TNNT1: variants seen among roughly 807,000 people sequenced by gnomAD.
TNNT1 encodes troponin T1, slow skeletal type.
A neutral mutation model predicts 50.6 loss-of-function variants in TNNT1; 53 were observed. The observed-to-expected ratio is 1.05, with a 90% CI of 0.84 to 1.32. The LOEUF is 1.32. Ranked by LOEUF, TNNT1 falls within the 40% of genes most tolerant of loss-of-function variation. TNNT1 has a pLI of 0.00. For missense variants in TNNT1, 348 were observed against 381.7 expected, an observed-to-expected ratio of 0.91 and a Z score of 0.74; for synonymous variants, 142 against 138.0, an observed-to-expected ratio of 1.03 and a Z score of -0.20.
At position 55,132,754 on chromosome 19, in the gene TNNT1, T is replaced by C; in HGVS notation, c.*161A>G. On this transcript the variant is annotated 3_prime_UTR_variant, in exon 14 of 14. Coordinates refer to ENST00000588981, the MANE Select transcript of TNNT1 (RefSeq NM_003283.6). ...ATTGGTGACACTCTTTCAAGTAACT[T>C]GTTGGTAATAAGAAGTCAATTAACC... 6 of 696,908 alleles carry C rather than the reference T, an allele frequency of 8.6e-6. No homozygotes were observed. The highest frequency in any genetic ancestry group is 1.7e-5 in the South Asian group (1 of 59,828). The allele number at this position is 696,908 out of a possible 1,614,324, so 43.2% of individuals were successfully genotyped here. A position where few individuals can be genotyped will look rare whatever the true frequency, so the allele number is the denominator to read the frequency against.
rs1165238003 is a variant in TNNT1 at position 55,149,200 on chromosome 19, C to T, written c.-51G>A. The stretch of plus-strand genomic sequence containing the variant: ...AGATGCTGTGAATCTTGAGGCTGAG[C>T]CTTGCTGAGGGCACTGAAGCTCCGG... On this transcript the variant is annotated 5_prime_UTR_variant, in exon 1 of 14. Transcript: ENST00000588981. 2.2e-6 allele frequency: 1 copy of T among 456,262 alleles called. No homozygotes were observed. The highest frequency in any genetic ancestry group is 1.5e-5 in the South Asian group (1 of 64,568). The allele number at this position is 456,262 out of a possible 1,614,324, so 28.3% of individuals were successfully genotyped here.
chr19:55,140,783 T>G (rs1379393954), intron 9 of TNNT1, 100 bp downstream of exon 9: 7 of 847,570 alleles, frequency 8.3e-6, no homozygotes, highest in East Asian at 3.9e-5. Context: ...TTTCAAAGAA[T>G]AATAATAATA....
rs534665520 is a variant in TNNT1 at position 55,137,275 on chromosome 19, G to A, written c.502-63C>T. The A allele has an allele frequency of 2.5e-5, 30 of 1,219,096 alleles. No homozygotes were observed. In the East Asian group the frequency reaches 4.0e-4, roughly 16 times the overall value. The allele number at this position is 1,219,096 out of a possible 1,614,324, so 75.5% of individuals were successfully genotyped here. A position where few individuals can be genotyped will look rare whatever the true frequency, so the allele number is the denominator to read the frequency against. On this transcript the variant is annotated intron_variant, in intron 10 of 13. Transcript: ENST00000588981. ...ACATCCCACAGAGCACTGCCGTGTCGGGACCCACACGTCGGATCCCACAGA... is the reference window on the plus strand; with the variant it reads ...ACATCCCACAGAGCACTGCCGTGTCAGGACCCACACGTCGGATCCCACAGA...
At chr19:55,134,341 C>G (rs1302591092) in intron 11 of TNNT1, 137 bp from the exon 12 acceptor site, 3 of 863,636 alleles carry the variant, frequency 3.5e-6, no homozygotes, top group Non-Finnish European at 5.4e-6. Flanking sequence ...AAAATCTGTG[C>G]CCACTTTCTC....
rs1555857874 is a variant in TNNT1 at position 55,140,808 on chromosome 19, A to AATC, written c.387+74_387+75insGAT. 1.4e-4 allele frequency: 138 copies of AATC among 1,018,364 alleles called. 3 individuals are homozygous for AATC. The highest frequency in any genetic ancestry group is 9.0e-4 in the South Asian group (49 of 54,462). 63.1% of individuals were successfully genotyped at this position (1,018,364 alleles called of 1,614,324 possible). On this transcript the variant is annotated intron_variant, in intron 9 of 13. Coordinates refer to ENST00000588981, the MANE Select transcript of TNNT1 (RefSeq NM_003283.6). ...TAATAATAATAGTAATAATAATAAT[A>AATC]ATAATAATAATAACAAAATGGGCAT...
At chr19:55,145,369 A>T in intron 6 of TNNT1, 175 bp downstream of exon 6, 1 of 629,048 alleles carries the variant, frequency 1.6e-6, no homozygotes, top group Non-Finnish European at 2.8e-6. Flanking sequence ...AGGAGGGAGG[A>T]GGAGGGAGAG....
intron 6 of TNNT1, among the ~76,000 whole-genome samples, chr19:55,143,763 A>C (rs930166693): frequency 6.6e-6 from 1 of 151,872 alleles, no homozygotes; most frequent in Non-Finnish European, 1.5e-5. Context: ...CATTCACTCC[A>C]ATGACTTCAG....
chr19:55,146,367 C>T lies in TNNT1; in HGVS notation c.106+67G>A, dbSNP rs114353580. 11,073 of 1,226,038 alleles carry T rather than the reference C, an allele frequency of 9.0e-3. 796 individuals are homozygous for T. The African/African-American group carries it at 0.16, about 17-fold the overall frequency. 75.9% of individuals were successfully genotyped at this position (1,226,038 alleles called of 1,614,324 possible). Reference sequence around the variant, plus strand: ...GAAGGGTGGTCTTGGAGGTTGGGGCCCGAGGATATCGGGGGTCCCCCCGGG... The same window carrying T: ...GAAGGGTGGTCTTGGAGGTTGGGGCTCGAGGATATCGGGGGTCCCCCCGGG... On this transcript the variant is annotated intron_variant, in intron 5 of 13. Coordinates refer to ENST00000588981, the MANE Select transcript of TNNT1 (RefSeq NM_003283.6).
chr19:55,137,009 C>T (rs531931809), intron 11 of TNNT1, 94 bp downstream of exon 11: 176 of 783,876 alleles, frequency 2.2e-4, no homozygotes, highest in African/African-American at 2.1e-3. Flanking sequence ...AGCTGAGACC[C>T]GGAGTATCTG....
chr19:55,143,757 C>T (rs1425860496), intron 6 of TNNT1, among the ~76,000 whole-genome samples: 3 of 152,218 alleles, frequency 2.0e-5, no homozygotes, highest in Middle Eastern at 3.4e-3. Context: ...CAATGCCATT[C>T]ACTCCAATGA....
In TNNT1 at chr19:55,146,678, C is replaced by A; in HGVS notation, c.73+3G>T. 2 of 1,498,084 alleles carry A rather than the reference C, an allele frequency of 1.3e-6. No individual in the cohort carries two copies. 92.8% of individuals were successfully genotyped at this position (1,498,084 alleles called of 1,614,324 possible). A position where few individuals can be genotyped will look rare whatever the true frequency, so the allele number is the denominator to read the frequency against. On this transcript the variant is annotated splice_donor_region_variant and intron_variant, in intron 4 of 13. Coordinates refer to ENST00000588981, the MANE Select transcript of TNNT1 (RefSeq NM_003283.6). ...TCCAGACCTGCGGAGTCCGGGACCT[C>A]ACCTTCCTCCTCCTCCTCCGCAGCC...
At position 55,142,160 on chromosome 19, in the gene TNNT1, A is replaced by G. The variant is rs112998815; in HGVS notation, c.129-240T>C. The G allele has an allele frequency of 0.01, 4,604 of 441,660 alleles. 200 individuals are homozygous for G. The highest frequency in any genetic ancestry group is 0.084 in the African/African-American group (4,142 of 49,564). 27.4% of individuals were successfully genotyped at this position (441,660 alleles called of 1,614,324 possible). A position where few individuals can be genotyped will look rare whatever the true frequency, so the allele number is the denominator to read the frequency against. ...TTTTTTGACGGAGTCTTGCTCTGTC[A>G]CCCAGGCTGGAGTGCGGTGGCGCCA... On this transcript the variant is annotated intron_variant, in intron 6 of 13. Coordinates refer to ENST00000588981, the MANE Select transcript of TNNT1 (RefSeq NM_003283.6).
chr19:55,141,373 T>C, intron 7 of TNNT1, 71 bp from the exon 8 acceptor site: 4 of 1,121,692 alleles, frequency 3.6e-6, no homozygotes, highest in Non-Finnish European at 5.5e-6. Flanking sequence ...ACCTCCCCCA[T>C]GCAGGATGGT....
At chr19:55,138,320 C>T (rs1464897308) in intron 9 of TNNT1, among the ~76,000 whole-genome samples, 1 of 150,174 alleles carries the variant, frequency 6.7e-6, no homozygotes, top group African/African-American at 2.5e-5. Context: ...CTCTGTTGCT[C>T]AGGCTGGAGT....
chr19:55,146,630 T>TGCCC, intron 4 of TNNT1, 51 bp downstream of exon 4: 7 of 1,025,158 alleles, frequency 6.8e-6, no homozygotes, highest in Non-Finnish European at 9.7e-6. Context: ...GGGCCCAGCG[T>TGCCC]CCCCGCCCCC....
chr19:55,137,086 C>G lies in TNNT1; in HGVS notation c.611+17G>C, dbSNP rs1468960774. The G allele has an allele frequency of 2.0e-6, 3 of 1,475,752 alleles. No homozygotes were observed. The highest frequency in any genetic ancestry group is 2.8e-5 in the African/African-American group (2 of 71,682). The allele number at this position is 1,475,752 out of a possible 1,614,324, so 91.4% of individuals were successfully genotyped here. ...CACACCCAGGCCCCTACACCCCGAG[C>G]CCCCCACAGCACCTACCGGAGCTGT... On this transcript the variant is annotated intron_variant, in intron 11 of 13. Transcript: ENST00000588981.
At chr19:55,146,630 T>TGGCC in intron 4 of TNNT1, 51 bp downstream of exon 4, 1 of 1,025,182 alleles carries the variant, frequency 9.8e-7, no homozygotes, top group Non-Finnish European at 1.4e-6. Context: ...GGGCCCAGCG[T>TGGCC]CCCCGCCCCC....
chr19:55,145,529 C>T lies in TNNT1; in HGVS notation c.128+15G>A, dbSNP rs777113369. The T allele has an allele frequency of 6.2e-7, 1 of 1,613,432 alleles. No homozygotes were observed. The highest frequency in any genetic ancestry group is 2.2e-5 in the East Asian group (1 of 44,874). On this transcript the variant is annotated intron_variant, in intron 6 of 13. Coordinates refer to ENST00000588981, the MANE Select transcript of TNNT1 (RefSeq NM_003283.6). ...AAGATGTATGACTGGGGCCCCCCAC[C>T]CTGTAGGATCTCACCTTGGTTTGGG...
At position 55,142,183 on chromosome 19, in the gene TNNT1, C is replaced by T. The variant is rs1479746461; in HGVS notation, c.129-263G>A. ...TCACCCAGGCTGGAGTGCGGTGGCG[C>T]CACCTCGGCTCACTGCAAGCTCCGC... is the stretch of plus-strand genomic sequence containing the variant. On this transcript the variant is annotated intron_variant, in intron 6 of 13. Transcript: ENST00000588981. 6 of 401,476 alleles carry T rather than the reference C, an allele frequency of 1.5e-5. No individual in the cohort carries two copies. The East Asian group carries it at 2.8e-4, about 19-fold the overall frequency. The allele number at this position is 401,476 out of a possible 1,614,324, so 24.9% of individuals were successfully genotyped here.
Sources: gnomAD v4.1 joint callset for allele counts (sites outside exome capture counted in the v4.1 genomes callset) on GRCh38, gnomAD v4.1.1 for gene constraint, MANE v1.5 for transcripts, NCBI Gene and HGNC (gene_info 2026-07-23, HGNC 2026-07-21) for gene names.